The following BTG4 variants were observed in gnomAD, a reference collection of about 807,000 sequenced individuals.
The protein encoded by BTG4 is BTG anti-proliferation factor 4.
A neutral mutation model predicts 19.3 loss-of-function variants in BTG4; 10 were observed. That is an observed-to-expected ratio of 0.52 (90% CI 0.32 to 0.88). The LOEUF is 0.88. Among genes scored for constraint, BTG4 ranks in the 40% least tolerant of loss-of-function variants. BTG4 has a pLI of 0.04. For missense variants in BTG4, 238 were observed against 281.9 expected (o/e 0.84, Z 1.11); for synonymous variants, 91 against 95.7 (o/e 0.95, Z 0.29).
At chr11:111,475,364 A>G (rs931755583) in intron 5 of BTG4, 4 of 152,148 alleles carry the variant, frequency 2.6e-5, no homozygotes, top group African/African-American at 9.7e-5. Context: ...TAAAATATGT[A>G]TTAAAGATAT....
chr11:111,482,991 G>A (rs1012210623), intron 5 of BTG4, among the ~76,000 whole-genome samples: 51 of 152,164 alleles, frequency 3.4e-4, no homozygotes, highest in African/African-American at 1.2e-3. Context: ...AAAACACAAC[G>A]TAGAAGTCTG....
At chr11:111,467,411 A>G, downstream of BTG4, 1 of 425,934 alleles carries the variant, frequency 2.3e-6, no homozygotes, top group Non-Finnish European at 4.1e-6. Flanking sequence ...ATTTTCCTGT[A>G]TACTAAGCCT....
intron 5 of BTG4, among the ~76,000 whole-genome samples, chr11:111,468,016 T>C (rs1182373328): frequency 6.6e-6 from 1 of 152,240 alleles, no homozygotes; most frequent in Non-Finnish European, 1.5e-5. Context: ...GTTCCTGTCC[T>C]GGCAGTTCTT....
the BTG4 span, chr11:111,450,043 G>A: frequency 2.6e-5 from 4 of 152,484 alleles, no homozygotes; most frequent in African/African-American, 9.6e-5. Flanking sequence ...CAACATCAGA[G>A]GCTCAGAACC....
In BTG4 at chr11:111,497,494, C is replaced by T. The variant is rs113179426; in HGVS notation, c.312-85G>A. The T allele has an allele frequency of 1.6e-5, 14 of 890,574 alleles. 1 individual carries two copies. The African/African-American group carries it at 2.2e-4, about 14-fold the overall frequency. The allele number at this position is 890,574 out of a possible 1,614,324, so 55.2% of individuals were successfully genotyped here. On this transcript the variant is annotated intron_variant, in intron 3 of 4. Transcript: ENST00000692032. ...ATCTTTCCTGGAGACAATATGCTAA[C>T]TTATTTTAAAAGAAATTGCCTTAAA...
At position 111,504,724 on chromosome 11, in the gene BTG4, A is replaced by C. The variant is rs142836939; in HGVS notation, c.-26-5922T>G. ...TGATTGTATACCTAGAAAACCCTAA[A>C]GACTCCTCTAGAAGACTCCTTGGCC... On this transcript the variant is annotated intron_variant, in intron 1 of 4. Coordinates refer to ENST00000692032, the MANE Select transcript of BTG4 (RefSeq NM_001367975.1). 2.5e-3 allele frequency among the ~76,000 whole-genome samples: 385 copies of C among 152,142 alleles called. 3 individuals carry two copies. The highest frequency in any genetic ancestry group is 9.0e-3 in the African/African-American group (372 of 41,554).
chr11:111,454,609 T>C, the BTG4 span, among the ~76,000 whole-genome samples: 3 of 152,202 alleles, frequency 2.0e-5, no homozygotes, highest in East Asian at 1.9e-4. Flanking sequence ...AAGGCCACCA[T>C]TGGAGTTCCT....
At chr11:111,401,751 C>A in the BTG4 span, among the ~76,000 whole-genome samples, 1 of 152,134 alleles carries the variant, frequency 6.6e-6, no homozygotes, top group Non-Finnish European at 1.5e-5. Flanking sequence ...GCCTCACTGT[C>A]TTTGTTTTCA....
At chr11:111,489,598 A>C (rs1458422430) in intron 5 of BTG4, among the ~76,000 whole-genome samples, 1 of 152,258 alleles carries the variant, frequency 6.6e-6, no homozygotes, top group Non-Finnish European at 1.5e-5. Flanking sequence ...AACATTATTC[A>C]ATCATGAAAA....
chr11:111,504,324 T>C (rs1265562322), intron 1 of BTG4, among the ~76,000 whole-genome samples: 1 of 152,084 alleles, frequency 6.6e-6, no homozygotes, highest in Non-Finnish European at 1.5e-5. Flanking sequence ...AAAATTGCAT[T>C]TCCCAAAACA....
At chr11:111,415,235 C>T in the BTG4 span, among the ~76,000 whole-genome samples, 1 of 152,188 alleles carries the variant, frequency 6.6e-6, no homozygotes, top group Admixed American at 6.5e-5. Flanking sequence ...ACCCCCGCCT[C>T]CCCTGCAACC....
chr11:111,477,655 A>T (rs528055379), intron 5 of BTG4, among the ~76,000 whole-genome samples: 4 of 152,102 alleles, frequency 2.6e-5, no homozygotes, highest in Non-Finnish European at 5.9e-5. Context: ...CCAAGGGAAG[A>T]TATGGAGGTG....
chr11:111,407,288 G>T, the BTG4 span, among the ~76,000 whole-genome samples: 1 of 150,970 alleles, frequency 6.6e-6, no homozygotes, highest in African/African-American at 2.4e-5. Context: ...TTATGAAAAT[G>T]ATTAGATATT....
the BTG4 span, among the ~76,000 whole-genome samples, chr11:111,443,617 T>C: frequency 1.3e-5 from 2 of 152,246 alleles, no homozygotes; most frequent in Non-Finnish European, 2.9e-5. Flanking sequence ...CAAAAGGGAC[T>C]TTGGGATCAT....
At chr11:111,423,884 G>A in the BTG4 span, among the ~76,000 whole-genome samples, 20 of 152,178 alleles carry the variant, frequency 1.3e-4, no homozygotes, top group Middle Eastern at 0.01. Context: ...GGAAATCTCC[G>A]AGGCCTGAGC....
rs920479994 is a variant in BTG4, at chr11:111,470,328, C to T, written c.663-2647G>A. 3.3e-5 allele frequency among the ~76,000 whole-genome samples: 5 copies of T among 152,162 alleles called. No individual in the cohort carries two copies. In the East Asian group the frequency reaches 9.6e-4, roughly 29 times the overall value. On this transcript the variant is annotated intron_variant, in intron 5 of 5. Coordinates refer to the BTG4 transcript ENST00000356018. ...TGAATGCTTGGGCTCAAGCATTCCA[C>T]CTGCCTCAGTGTTCCCAAAGTTCTG...
the BTG4 span, among the ~76,000 whole-genome samples, chr11:111,441,400 T>G: frequency 1.3e-5 from 2 of 151,912 alleles, no homozygotes; most frequent in African/African-American, 4.8e-5. Context: ...AGATGGCTCC[T>G]TGAGCACCAG....
chr11:111,418,834 GA>G, the BTG4 span, among the ~76,000 whole-genome samples: 3 of 152,184 alleles, frequency 2.0e-5, no homozygotes. Context: ...ACGTCTGCAG[GA>G]GTTTGTTTTA....
At chr11:111,436,962 G>A in the BTG4 span, among the ~76,000 whole-genome samples, 1 of 152,232 alleles carries the variant, frequency 6.6e-6, no homozygotes, top group Non-Finnish European at 1.5e-5. Context: ...GGGCTGTGTG[G>A]CAAGCAGACG....
Sources: gnomAD v4.1 joint callset for allele counts (sites outside exome capture counted in the v4.1 genomes callset) on GRCh38, gnomAD v4.1.1 for gene constraint, MANE v1.5 for transcripts, NCBI Gene and HGNC (gene_info 2026-07-23, HGNC 2026-07-21) for gene names.